The following RGS17 variants were observed in gnomAD, a reference collection of about 807,000 sequenced individuals.
The protein encoded by RGS17 is regulator of G protein signaling 17.
Under a neutral mutation model 25.5 loss-of-function variants are expected in RGS17, and 12 were observed. The ratio of observed to expected loss-of-function variants is 0.47; its 90% CI spans 0.30 to 0.76. The LOEUF (loss-of-function observed/expected upper bound fraction) is 0.76, where lower values mean the gene tolerates loss of function less well. Ranked by LOEUF, RGS17 falls within the 30% of genes least tolerant of loss-of-function variation. RGS17 has a pLI of 0.07. For synonymous variants in RGS17, 71 were observed against 76.9 expected (o/e 0.92, Z 0.40); for missense variants, 196 against 242.2 (o/e 0.81, Z 1.27).
intron 1 of RGS17, among the ~76,000 whole-genome samples, chr6:153,077,038 A>G (rs557545850): frequency 2.6e-5 from 4 of 152,286 alleles, no homozygotes; most frequent in African/African-American, 7.2e-5. Context: ...AGAAAACATC[A>G]CTAATGAGGG....
chr6:153,077,404 G>C (rs1053228255), intron 1 of RGS17, among the ~76,000 whole-genome samples: 5 of 152,132 alleles, frequency 3.3e-5, no homozygotes, highest in African/African-American at 4.8e-5. Context: ...TATTAGATGA[G>C]ACTATAGAAT....
chr6:153,054,605 C>T (rs562262278), intron 1 of RGS17, among the ~76,000 whole-genome samples: 4 of 151,796 alleles, frequency 2.6e-5, no homozygotes, highest in South Asian at 2.1e-4. Context: ...GAGCCGAGAT[C>T]GCGCCACTGC....
At chr6:153,101,508 G>A (rs892557791) in intron 1 of RGS17, among the ~76,000 whole-genome samples, 4 of 152,106 alleles carry the variant, frequency 2.6e-5, no homozygotes, top group Admixed American at 2.0e-4. Flanking sequence ...TTCTATATAC[G>A]GAAGAATTCC....
rs1208623984 is a variant in RGS17, at chr6:153,084,305, C to G, written c.-25-40262G>C. ...CTGTCTTCCTGGCCCTCTTAGAGACCTGGGTGCTACATAAAATCCCTTAAC... is the reference window on the plus strand; with the variant it reads ...CTGTCTTCCTGGCCCTCTTAGAGACGTGGGTGCTACATAAAATCCCTTAAC... On this transcript the variant is annotated intron_variant, in intron 1 of 4. Transcript: ENST00000206262. Among the ~76,000 whole-genome samples, 5 of 152,302 alleles carry G rather than the reference C, an allele frequency of 3.3e-5. No homozygotes were observed. In the East Asian group the frequency reaches 9.6e-4, roughly 29 times the overall value.
intron 4 of RGS17, among the ~76,000 whole-genome samples, chr6:153,014,940 G>T (rs1470981846): frequency 6.6e-6 from 1 of 152,194 alleles, no homozygotes; most frequent in Non-Finnish European, 1.5e-5. Flanking sequence ...ATTCATCGAA[G>T]GAGGTCAAAA....
At chr6:153,101,338 A>G (rs1777300648) in intron 1 of RGS17, among the ~76,000 whole-genome samples, 1 of 152,152 alleles carries the variant, frequency 6.6e-6, no homozygotes, top group South Asian at 2.1e-4. Context: ...GACTTTTCCC[A>G]TATGTGGGTT....
intron 1 of RGS17, among the ~76,000 whole-genome samples, chr6:153,126,547 A>G (rs930830759): frequency 6.6e-6 from 1 of 152,234 alleles, no homozygotes; most frequent in Admixed American, 6.5e-5. Flanking sequence ...GTACCAGAAC[A>G]GCAGTGGAAA....
chr6:153,032,171 T>C (rs1434913730), intron 2 of RGS17, among the ~76,000 whole-genome samples: 1 of 152,156 alleles, frequency 6.6e-6, no homozygotes, highest in African/African-American at 2.4e-5. Flanking sequence ...ATATACAACA[T>C]TTCAGACACA....
At chr6:153,034,525 T>C (rs139982708) in intron 2 of RGS17, among the ~76,000 whole-genome samples, 2 of 152,256 alleles carry the variant, frequency 1.3e-5, no homozygotes, top group East Asian at 3.9e-4. Context: ...TACCTATCAA[T>C]AAAGGATTAC....
At chr6:153,028,082 G>C (rs941447780) in intron 2 of RGS17, among the ~76,000 whole-genome samples, 7 of 152,184 alleles carry the variant, frequency 4.6e-5, no homozygotes, top group African/African-American at 1.4e-4. Context: ...TGACCTGAGA[G>C]AGCAGACTCA....
At chr6:153,104,431 C>T (rs758933848) in intron 1 of RGS17, among the ~76,000 whole-genome samples, 2 of 152,206 alleles carry the variant, frequency 1.3e-5, no homozygotes, top group Non-Finnish European at 2.9e-5. Flanking sequence ...AGATAAATGA[C>T]TCTGAATCCA....
Position 153,005,212 on chromosome 6 carries a change from A to C in RGS17, c.*6362T>G, listed in dbSNP as rs1003488517. On this transcript the variant is annotated 3_prime_UTR_variant, in exon 5 of 5. Coordinates refer to ENST00000206262, the MANE Select transcript of RGS17 (RefSeq NM_012419.5). Reference sequence around the variant, plus strand: ...GACAATTAGTAAGATAAGATCTTTAATATCCAAAGTATGTGGAGGATTATT... The same window carrying C: ...GACAATTAGTAAGATAAGATCTTTACTATCCAAAGTATGTGGAGGATTATT... The C allele has an allele frequency of 2.2e-4, 34 of 152,210 alleles. No individual in the cohort carries two copies. The highest frequency in any genetic ancestry group is 8.2e-4 in the African/African-American group (34 of 41,460). 9.4% of individuals were successfully genotyped at this position (152,210 alleles called of 1,614,324 possible).
chr6:153,042,988 T>C (rs1051443745), intron 2 of RGS17, among the ~76,000 whole-genome samples: 1 of 152,164 alleles, frequency 6.6e-6, no homozygotes, highest in African/African-American at 2.4e-5. Context: ...TTGTAAACTG[T>C]ATGTTAAAAG....
At chr6:153,073,360 T>G (rs998174628) in intron 1 of RGS17, among the ~76,000 whole-genome samples, 3 of 152,132 alleles carry the variant, frequency 2.0e-5, no homozygotes, top group East Asian at 1.9e-4. Context: ...ATCTACGACT[T>G]TTTGATTCAG....
At chr6:153,044,446 G>C (rs1479545118) in intron 1 of RGS17, among the ~76,000 whole-genome samples, 1 of 152,146 alleles carries the variant, frequency 6.6e-6, no homozygotes, top group African/African-American at 2.4e-5. Context: ...TTTACAGTAA[G>C]GTAAATTGAG....
chr6:153,081,263 A>C (rs1325958969), intron 1 of RGS17, among the ~76,000 whole-genome samples: 1 of 152,028 alleles, frequency 6.6e-6, no homozygotes, highest in African/African-American at 2.4e-5. Context: ...TCCTTTTTGG[A>C]TACCTTGAAG....
intron 2 of RGS17, among the ~76,000 whole-genome samples, chr6:153,029,004 TTCTA>T (rs1237339905): frequency 4.6e-5 from 7 of 152,250 alleles, no homozygotes; most frequent in Non-Finnish European, 7.3e-5. Flanking sequence ...ATTCTGGCTC[TTCTA>T]TCTGTTTCTG....
rs987784106 is a variant in RGS17, at chr6:153,008,291, A to G, written c.*3283T>C. The G allele has an allele frequency of 6.6e-6, 1 of 151,700 alleles. No individual in the cohort carries two copies. Among genetic ancestry groups the G allele is most frequent in the African/African-American group, 2.4e-5 (1 of 41,228 alleles). 9.4% of individuals were successfully genotyped at this position (151,700 alleles called of 1,614,324 possible). ...AAACATCCATGCACTAAGACGGCAT[A>G]TCAGAACTGGTCATTCTATGTACAT... On this transcript the variant is annotated 3_prime_UTR_variant, in exon 5 of 5. Coordinates refer to ENST00000206262, the MANE Select transcript of RGS17 (RefSeq NM_012419.5).
chr6:153,052,690 T>C (rs1327167733), intron 1 of RGS17, among the ~76,000 whole-genome samples: 2 of 152,200 alleles, frequency 1.3e-5, no homozygotes, highest in East Asian at 1.9e-4. Context: ...GTTAAGACTT[T>C]TGAGGCTACT....
Sources: gnomAD v4.1 joint callset for allele counts (sites outside exome capture counted in the v4.1 genomes callset) on GRCh38, gnomAD v4.1.1 for gene constraint, MANE v1.5 for transcripts, NCBI Gene and HGNC (gene_info 2026-07-23, HGNC 2026-07-21) for gene names.